ZNF385B: variants seen among roughly 807,000 people sequenced by gnomAD.
The protein encoded by ZNF385B is zinc finger protein 533.
ZNF385B carries 23 observed loss-of-function variants against 39.2 expected under a neutral mutation model. The observed-to-expected ratio is 0.59, with a 90% CI of 0.42 to 0.83. The LOEUF (loss-of-function observed/expected upper bound fraction) is 0.83, where lower values mean the gene tolerates loss of function less well. ZNF385B is among the 40% of genes least tolerant of loss of function. The pLI is 0.00. For synonymous variants in ZNF385B, 205 were observed against 222.6 expected, an observed-to-expected ratio of 0.92 and a Z score of 0.70; for missense variants, 552 against 598.9, an observed-to-expected ratio of 0.92 and a Z score of 0.82.
At chr2:179,538,200 G>T (rs987650553) in intron 4 of ZNF385B, among the ~76,000 whole-genome samples, 3 of 152,024 alleles carry the variant, frequency 2.0e-5, no homozygotes, top group Non-Finnish European at 4.4e-5. Flanking sequence ...ATGACAGCAA[G>T]CACTATTAGA....
At chr2:179,473,692 G>T (rs893035329) in intron 6 of ZNF385B, among the ~76,000 whole-genome samples, 10 of 151,864 alleles carry the variant, frequency 6.6e-5, no homozygotes, top group Middle Eastern at 3.2e-3. Flanking sequence ...CCCTCTGACA[G>T]GCCCCAGTGT....
chr2:179,689,051 A>C (rs1048287757), intron 3 of ZNF385B, among the ~76,000 whole-genome samples: 2 of 152,214 alleles, frequency 1.3e-5, no homozygotes, highest in Non-Finnish European at 2.9e-5. Flanking sequence ...AGTGAGATCT[A>C]TATTTAGAGG....
intron 4 of ZNF385B, among the ~76,000 whole-genome samples, chr2:179,541,462 A>G (rs1007723138): frequency 1.3e-5 from 2 of 152,312 alleles, no homozygotes; most frequent in Admixed American, 6.5e-5. Flanking sequence ...CTTAAAGAGA[A>G]TAACAAAACA....
intron 3 of ZNF385B, among the ~76,000 whole-genome samples, chr2:179,758,957 C>G (rs972466303): frequency 6.6e-6 from 1 of 152,158 alleles, no homozygotes; most frequent in Non-Finnish European, 1.5e-5. Context: ...TTCCAAACTT[C>G]TCTTGTGTTT....
intron 1 of ZNF385B, among the ~76,000 whole-genome samples, chr2:179,825,313 T>G (rs920592363): frequency 1.3e-5 from 2 of 152,176 alleles, no homozygotes; most frequent in Non-Finnish European, 2.9e-5. Flanking sequence ...TGGCTATCTA[T>G]TCACCATTTC....
chr2:179,540,611 T>A (rs923546124), intron 4 of ZNF385B, among the ~76,000 whole-genome samples: 1 of 152,184 alleles, frequency 6.6e-6, no homozygotes, highest in East Asian at 1.9e-4. Context: ...TGGGGGAGTA[T>A]GAACATTGAA....
At chr2:179,511,215 T>C (rs1466162724) in intron 5 of ZNF385B, among the ~76,000 whole-genome samples, 7 of 152,148 alleles carry the variant, frequency 4.6e-5, no homozygotes, top group Admixed American at 3.9e-4. Flanking sequence ...AAGGGAGTTA[T>C]GTGGAACCCA....
intron 1 of ZNF385B, among the ~76,000 whole-genome samples, chr2:179,845,478 T>G (rs1708753951): frequency 6.6e-6 from 1 of 152,202 alleles, no homozygotes; most frequent in Non-Finnish European, 1.5e-5. Context: ...CTTGTAAATC[T>G]GAGAGCAAGT....
At chr2:179,510,658 AGTT>A (rs1441319324) in intron 5 of ZNF385B, among the ~76,000 whole-genome samples, 1 of 152,202 alleles carries the variant, frequency 6.6e-6, no homozygotes, top group Non-Finnish European at 1.5e-5. Context: ...CAATGAATCC[AGTT>A]GTTAAGCTAA....
intron 3 of ZNF385B, among the ~76,000 whole-genome samples, chr2:179,658,669 A>G (rs760819510): frequency 2.0e-5 from 3 of 152,242 alleles, no homozygotes; most frequent in Non-Finnish European, 4.4e-5. Context: ...AGATTGACCT[A>G]ATATGTTAAT....
At chr2:179,623,990 A>G (rs1480223642) in intron 3 of ZNF385B, among the ~76,000 whole-genome samples, 1 of 152,186 alleles carries the variant, frequency 6.6e-6, no homozygotes, top group African/African-American at 2.4e-5. Flanking sequence ...AAAAATTGGC[A>G]GCCTGGTAGT....
Position 179,789,712 on chromosome 2 carries a change from C to T in ZNF385B, c.-154-19040G>A, listed in dbSNP as rs1705211469. Among the ~76,000 whole-genome samples, 3 of 152,158 alleles carry T rather than the reference C, an allele frequency of 2.0e-5. 1 individual carries two copies. The highest frequency in any genetic ancestry group is 1.3e-4 in the Admixed American group (2 of 15,268). ...ATCTGTCAAACTTCTTTCCTCTCTC[C>T]TCTCACCTCAATGACGCAGATGAGG... On this transcript the variant is annotated intron_variant, in intron 1 of 9. Coordinates refer to ENST00000410066, the MANE Select transcript of ZNF385B (RefSeq NM_152520.6).
intron 1 of ZNF385B, among the ~76,000 whole-genome samples, chr2:179,785,427 T>C (rs1704935943): frequency 6.6e-6 from 1 of 152,158 alleles, no homozygotes; most frequent in Non-Finnish European, 1.5e-5. Context: ...TGAAAGGCTA[T>C]GGCTGCCATC....
intron 3 of ZNF385B, among the ~76,000 whole-genome samples, chr2:179,707,943 G>A (rs1302106922): frequency 6.6e-6 from 1 of 152,202 alleles, no homozygotes; most frequent in African/African-American, 2.4e-5. Context: ...CTTCTGCAGA[G>A]GAATAGCAGG....
chr2:179,533,088 T>C (rs2059353048), intron 4 of ZNF385B, among the ~76,000 whole-genome samples: 1 of 152,194 alleles, frequency 6.6e-6, no homozygotes. Context: ...GTTCCCCAGA[T>C]GCATAGCTTC....
At chr2:179,730,702 G>T (rs932421940) in intron 3 of ZNF385B, among the ~76,000 whole-genome samples, 2 of 151,842 alleles carry the variant, frequency 1.3e-5, no homozygotes, top group African/African-American at 4.9e-5. Context: ...CTCAATAAAT[G>T]ATATTGAATG....
chr2:179,622,886 C>T (rs186933820), intron 3 of ZNF385B, among the ~76,000 whole-genome samples: 2 of 152,150 alleles, frequency 1.3e-5, no homozygotes, highest in African/African-American at 4.8e-5. Flanking sequence ...ACACTGGCAC[C>T]TGTGAGGGCC....
At chr2:179,795,438 T>A (rs1705599603) in intron 1 of ZNF385B, among the ~76,000 whole-genome samples, 1 of 152,210 alleles carries the variant, frequency 6.6e-6, no homozygotes, top group Admixed American at 6.5e-5. Context: ...GGGAGTTTTG[T>A]ATGTTGTCAG....
At chr2:179,507,069 G>C (rs967904847) in intron 5 of ZNF385B, among the ~76,000 whole-genome samples, 1 of 152,040 alleles carries the variant, frequency 6.6e-6, no homozygotes, top group Non-Finnish European at 1.5e-5. Flanking sequence ...ACTAAAGTGA[G>C]AGAAATAAAG....
Sources: allele counts gnomAD v4.1 joint callset (sites outside exome capture counted in the v4.1 genomes callset), GRCh38; gene constraint gnomAD v4.1.1; transcripts MANE v1.5; gene names NCBI Gene and HGNC (gene_info 2026-07-23, HGNC 2026-07-21).